Variants in PALS2 observed in about 807,000 individuals in gnomAD.
The protein encoded by PALS2 is protein PALS2.
A neutral mutation model predicts 61.6 loss-of-function variants in PALS2; 27 were observed. The ratio of observed to expected loss-of-function variants is 0.44; its 90% CI spans 0.32 to 0.60. The LOEUF is 0.60. Among genes scored for constraint, PALS2 ranks in the 20% least tolerant of loss-of-function variants. The pLI, the probability that PALS2 is intolerant of heterozygous loss-of-function variation, is 0.05. For missense variants in PALS2, 554 were observed against 639.4 expected, an observed-to-expected ratio of 0.87 and a Z score of 1.44; for synonymous variants, 236 against 218.6, an observed-to-expected ratio of 1.08 and a Z score of -0.70.
At chr7:24,664,179 C>T (rs1005341246) in intron 6 of PALS2, among the ~76,000 whole-genome samples, 6 of 152,038 alleles carry the variant, frequency 3.9e-5, no homozygotes, top group African/African-American at 1.2e-4. Context: ...CTATTTGCTC[C>T]CCTCTTCTCA....
At chr7:24,628,456 G>A (rs1784845697) in intron 2 of PALS2, among the ~76,000 whole-genome samples, 1 of 152,150 alleles carries the variant, frequency 6.6e-6, no homozygotes, top group South Asian at 2.1e-4. Context: ...ACTGGCACAA[G>A]ACAAGGATGC....
intron 1 of PALS2, among the ~76,000 whole-genome samples, chr7:24,622,587 T>G (rs1026911685): frequency 1.3e-5 from 2 of 151,610 alleles, no homozygotes; most frequent in African/African-American, 4.8e-5. Context: ...TTTTGTATAT[T>G]AGGATTTTCC....
At chr7:24,627,612 A>C (rs961533810) in intron 2 of PALS2, among the ~76,000 whole-genome samples, 12 of 152,148 alleles carry the variant, frequency 7.9e-5, no homozygotes, top group African/African-American at 2.7e-4. Context: ...AAATAGATAG[A>C]CCGCTAGCCA....
intron 2 of PALS2, among the ~76,000 whole-genome samples, chr7:24,630,236 C>T (rs567748442): frequency 6.6e-6 from 1 of 152,174 alleles, no homozygotes; most frequent in East Asian, 1.9e-4. Context: ...AGCAGAAAAC[C>T]AAACACCGCA....
Position 24,687,676 on chromosome 7 carries a change from T to G in PALS2, c.*62T>G. 7 of 1,460,090 alleles carry G rather than the reference T, an allele frequency of 4.8e-6. No homozygotes were observed. The highest frequency in any genetic ancestry group is 1.4e-5 in the African/African-American group (1 of 69,742). The allele number at this position is 1,460,090 out of a possible 1,614,324, so 90.4% of individuals were successfully genotyped here. The stretch of plus-strand genomic sequence containing the variant: ...AAAAAGTGACTGCAACAAATAAACC[T>G]TCTACTGAGAAAATACATCACAGAT... On this transcript the variant is annotated 3_prime_UTR_variant, in exon 12 of 12. Coordinates refer to ENST00000222644, the MANE Select transcript of PALS2 (RefSeq NM_001303037.2). This position sits in a 1 kb window ranked among gnomAD's most constrained non-coding sequence, Gnocchi z 4.5.
intron 1 of PALS2, among the ~76,000 whole-genome samples, chr7:24,611,696 A>G (rs185484853): frequency 1.1e-3 from 164 of 152,122 alleles, no homozygotes; most frequent in Non-Finnish European, 2.0e-3. Context: ...TAGGGCAGTT[A>G]GGGACATTGA....
At chr7:24,679,060 C>A in intron 9 of PALS2, 71 bp from the exon 10 acceptor site, 1 of 1,381,886 alleles carries the variant, frequency 7.2e-7, no homozygotes, top group South Asian at 1.2e-5. Flanking sequence ...TTAAGCCACC[C>A]TATGTATTTT....
intron 1 of PALS2, among the ~76,000 whole-genome samples, chr7:24,602,208 C>G (rs538092882): frequency 7.9e-5 from 12 of 152,004 alleles, no homozygotes; most frequent in African/African-American, 2.9e-4. Flanking sequence ...TCTTTTGTTT[C>G]CTCTGTAACT....
At chr7:24,646,451 C>T (rs903237325) in intron 3 of PALS2, among the ~76,000 whole-genome samples, 2 of 152,108 alleles carry the variant, frequency 1.3e-5, no homozygotes, top group African/African-American at 4.8e-5. Flanking sequence ...TGATGAATCA[C>T]ATTTATTGAT....
At chr7:24,627,141 A>C (rs1326123821) in intron 2 of PALS2, among the ~76,000 whole-genome samples, 1 of 152,238 alleles carries the variant, frequency 6.6e-6, no homozygotes, top group Non-Finnish European at 1.5e-5. Flanking sequence ...GCAAATGCAA[A>C]AGAACGGAAA....
chr7:24,577,941 T>C lies in PALS2; in HGVS notation c.-3+4348T>C, dbSNP rs575145724. Among the ~76,000 whole-genome samples, 14 of 152,062 alleles carry C rather than the reference T, an allele frequency of 9.2e-5. 1 individual carries two copies. The highest frequency in any genetic ancestry group is 7.2e-4 in the Admixed American group (11 of 15,276). ...CCGTGATATCAATGATCTTGTCTCTTTTTGTTTTTGTTTTTGAGATAGAAT... is the reference window on the plus strand; with the variant it reads ...CCGTGATATCAATGATCTTGTCTCTCTTTGTTTTTGTTTTTGAGATAGAAT... On this transcript the variant is annotated intron_variant, in intron 1 of 11. Transcript: ENST00000222644.
chr7:24,596,554 GATTC>G lies in PALS2; in HGVS notation c.-3+22965_-3+22968del, dbSNP rs749994698. On this transcript the variant is annotated intron_variant, in intron 1 of 11. Transcript: ENST00000222644. This position sits in a 1 kb window ranked among gnomAD's most constrained non-coding sequence, Gnocchi z 4.5. ...GTGTAAAACATTTTCAAACAATTTT[GATTC>G]ATTATACTACATATTTTCTTGTAAA... Among the ~76,000 whole-genome samples, 7 of 151,994 alleles carry G rather than the reference GATTC, an allele frequency of 4.6e-5. No individual in the cohort carries two copies. The highest frequency in any genetic ancestry group is 8.8e-5 in the Non-Finnish European group (6 of 67,972).
intron 1 of PALS2, among the ~76,000 whole-genome samples, chr7:24,600,754 A>G (rs1345539947): frequency 6.6e-6 from 1 of 152,168 alleles, no homozygotes; most frequent in African/African-American, 2.4e-5. Flanking sequence ...TTCATGTCAT[A>G]GTATAGATAA....
chr7:24,617,308 T>C (rs565613892), intron 1 of PALS2, among the ~76,000 whole-genome samples: 1 of 152,336 alleles, frequency 6.6e-6, no homozygotes, highest in East Asian at 1.9e-4. Flanking sequence ...TTGAATCATG[T>C]ATCTATTATT....
chr7:24,684,290 G>T (rs186483074), intron 11 of PALS2, among the ~76,000 whole-genome samples: 2 of 152,276 alleles, frequency 1.3e-5, no homozygotes, highest in African/African-American at 4.8e-5. Flanking sequence ...AGTAGAGATG[G>T]CGTTTCACCA....
chr7:24,644,423 A>T (rs945354151), intron 3 of PALS2, among the ~76,000 whole-genome samples: 3 of 152,126 alleles, frequency 2.0e-5, no homozygotes, highest in African/African-American at 7.2e-5. Flanking sequence ...TCATGTTGCC[A>T]CAAAAGACAT....
At chr7:24,607,390 T>C (rs1583865374) in intron 1 of PALS2, among the ~76,000 whole-genome samples, 2 of 151,934 alleles carry the variant, frequency 1.3e-5, no homozygotes, top group Non-Finnish European at 2.9e-5. Context: ...ATCTGACAAT[T>C]GAAAAATCAT....
chr7:24,595,508 TA>T (rs1489834116), intron 1 of PALS2, among the ~76,000 whole-genome samples: 3 of 109,082 alleles, frequency 2.8e-5, no homozygotes, highest in Admixed American at 9.9e-5. Flanking sequence ...TTAATATATA[TA>T]ATATATAATA....
intron 11 of PALS2, among the ~76,000 whole-genome samples, chr7:24,684,314 G>A (rs1198967936): frequency 6.6e-6 from 1 of 152,206 alleles, no homozygotes; most frequent in East Asian, 1.9e-4. Flanking sequence ...TGGCCAGGGA[G>A]ATCACTATGT....
Sources: gnomAD v4.1 joint callset for allele counts (sites outside exome capture counted in the v4.1 genomes callset) on GRCh38, gnomAD v4.1.1 for gene constraint, Gnocchi (gnomAD v3.1) non-coding constraint, MANE v1.5 for transcripts, NCBI Gene and HGNC (gene_info 2026-07-23, HGNC 2026-07-21) for gene names.